PSD3: variants seen among roughly 807,000 people sequenced by gnomAD.
PSD3 encodes pleckstrin and Sec7 domain containing 3, also known as PH and SEC7 domain-containing protein 3.
In PSD3, 49 loss-of-function variants were observed where a neutral mutation model predicts 105.5. The observed-to-expected ratio is 0.46, with a 90% CI of 0.37 to 0.59. The LOEUF is 0.59. Among genes scored for constraint, PSD3 ranks in the 20% least tolerant of loss-of-function variants. The probability of loss-of-function intolerance (pLI) is 0.00; values close to 1 mark genes in which losing one functional copy is unlikely to be tolerated. For missense variants in PSD3, 1,561 were observed against 1,263.8 expected, an observed-to-expected ratio of 1.24 and a Z score of -3.57; for synonymous variants, 557 against 457.8, an observed-to-expected ratio of 1.22 and a Z score of -2.77.
intron 1 of PSD3, among the ~76,000 whole-genome samples, chr8:19,073,858 T>C (rs1829355522): frequency 6.6e-6 from 1 of 151,740 alleles, no homozygotes; most frequent in African/African-American, 2.4e-5. Flanking sequence ...TGGTAGGATC[T>C]CGGCTCACTG....
At chr8:18,764,728 T>C (rs976518426) in intron 9 of PSD3, among the ~76,000 whole-genome samples, 16 of 152,158 alleles carry the variant, frequency 1.1e-4, no homozygotes, top group Admixed American at 3.9e-4. Context: ...AAAAGAAACC[T>C]ATACGTGTAC....
intron 8 of PSD3, among the ~76,000 whole-genome samples, chr8:18,791,235 AT>A (rs1793341510): frequency 6.6e-6 from 1 of 152,196 alleles, no homozygotes; most frequent in Non-Finnish European, 1.5e-5. Context: ...CTATTTTAAA[AT>A]TCATATGGAA....
chr8:18,739,788 T>C (rs1484985726), intron 9 of PSD3, among the ~76,000 whole-genome samples: 2 of 152,186 alleles, frequency 1.3e-5, no homozygotes, highest in African/African-American at 4.8e-5. Context: ...TTACCTCAAA[T>C]ACTTTTTTGC....
intron 9 of PSD3, among the ~76,000 whole-genome samples, chr8:18,697,003 G>T (rs1028463473): frequency 8.4e-6 from 1 of 118,440 alleles, no homozygotes; most frequent in Non-Finnish European, 1.8e-5. Context: ...GCCACTTTGC[G>T]GGGACAACGT....
chr8:18,735,411 G>A (rs751815690), intron 9 of PSD3, among the ~76,000 whole-genome samples: 11 of 152,160 alleles, frequency 7.2e-5, no homozygotes, highest in Non-Finnish European at 1.3e-4. Context: ...ACTGAATGGC[G>A]AATGGACGAT....
chr8:18,830,463 G>A (rs537129594), intron 4 of PSD3, among the ~76,000 whole-genome samples: 8 of 152,112 alleles, frequency 5.3e-5, no homozygotes, highest in Non-Finnish European at 1.2e-4. Context: ...AAACTTCTGG[G>A]CATCTCTTTT....
chr8:18,545,593 C>T (rs569870610), intron 15 of PSD3, among the ~76,000 whole-genome samples: 2 of 152,108 alleles, frequency 1.3e-5, no homozygotes, highest in Non-Finnish European at 2.9e-5. Context: ...TAAATTTTGC[C>T]TAAGGATAAA....
chr8:19,026,422 CTGTCTCTCAGTGTTCTGAATTG>C (rs1827552199), intron 1 of PSD3, among the ~76,000 whole-genome samples: 1 of 152,048 alleles, frequency 6.6e-6, no homozygotes, highest in Non-Finnish European at 1.5e-5. Context: ...ATCGCAGAAG[CTGTCTCTCAGTGTTCTGAATTG>C]TGAATGCAAA....
chr8:18,658,920 C>T (rs1044063446), intron 9 of PSD3, among the ~76,000 whole-genome samples: 2 of 152,140 alleles, frequency 1.3e-5, no homozygotes, highest in Non-Finnish European at 2.9e-5. Flanking sequence ...ACACAAGAAA[C>T]ACATCCAAAA....
At chr8:18,571,917 G>C (rs1317493953) in intron 14 of PSD3, among the ~76,000 whole-genome samples, 7 of 151,964 alleles carry the variant, frequency 4.6e-5, no homozygotes, top group East Asian at 3.9e-4. Flanking sequence ...GTCCTTAGAA[G>C]AGTTTTAAGT....
chr8:18,610,046 C>A (rs920678170), intron 11 of PSD3, among the ~76,000 whole-genome samples: 2 of 152,176 alleles, frequency 1.3e-5, no homozygotes, highest in African/African-American at 4.8e-5. Context: ...TATTCCTAAT[C>A]ACTTATCTTT....
intron 4 of PSD3, among the ~76,000 whole-genome samples, chr8:18,805,586 G>A (rs147923919): frequency 6.5e-4 from 99 of 152,166 alleles, no homozygotes; most frequent in African/African-American, 2.1e-3. Flanking sequence ...AATTTGTGTC[G>A]ATTAACTTTT....
intron 10 of PSD3, among the ~76,000 whole-genome samples, chr8:18,644,223 T>C (rs1270209396): frequency 2.0e-5 from 3 of 152,248 alleles, no homozygotes; most frequent in Non-Finnish European, 4.4e-5. Context: ...TTTATCATTC[T>C]TTGTAAGGCC....
At chr8:18,625,253 C>A (rs1315086427) in intron 11 of PSD3, among the ~76,000 whole-genome samples, 1 of 151,896 alleles carries the variant, frequency 6.6e-6, no homozygotes, top group Admixed American at 6.6e-5. Flanking sequence ...ATTTTTGCTT[C>A]TAATTATCTG....
chr8:18,645,660 T>C (rs1807979778), intron 10 of PSD3, among the ~76,000 whole-genome samples: 1 of 152,098 alleles, frequency 6.6e-6, no homozygotes, highest in Admixed American at 6.5e-5. Context: ...GTATCTGCCA[T>C]GTTAGGAATT....
At chr8:18,686,574 C>A (rs906322838) in intron 9 of PSD3, among the ~76,000 whole-genome samples, 1 of 152,160 alleles carries the variant, frequency 6.6e-6, no homozygotes, top group Non-Finnish European at 1.5e-5. Flanking sequence ...ATGATCCCTG[C>A]GACATATCTG....
intron 12 of PSD3, among the ~76,000 whole-genome samples, chr8:18,577,971 C>T (rs971297694): frequency 2.0e-5 from 3 of 151,856 alleles, no homozygotes; most frequent in Admixed American, 6.6e-5. Flanking sequence ...TATTCTTATC[C>T]TCAAGTATCT....
chr8:18,965,509 C>G (rs12676443), intron 1 of PSD3, among the ~76,000 whole-genome samples: 59,520 of 152,018 alleles, frequency 0.39, 11,870 homozygotes, highest in Non-Finnish European at 0.42. Context: ...GAGAAAGGAC[C>G]CATGCCCGGT....
At chr8:18,582,560 A>T (rs1220551280) in intron 12 of PSD3, among the ~76,000 whole-genome samples, 2 of 151,860 alleles carry the variant, frequency 1.3e-5, no homozygotes, top group Admixed American at 1.3e-4. Flanking sequence ...TAAATTACCA[A>T]TTTTTTGTTA....
Sources: allele counts gnomAD v4.1 joint callset (sites outside exome capture counted in the v4.1 genomes callset), GRCh38; gene constraint gnomAD v4.1.1; transcripts MANE v1.5; gene names NCBI Gene and HGNC (gene_info 2026-07-23, HGNC 2026-07-21).